Variants in CUL4B observed in about 807,000 individuals in gnomAD.
CUL4B encodes the protein cullin-4B.
Under a neutral mutation model 69.2 loss-of-function variants are expected in CUL4B, and 1 was observed. The ratio of observed to expected loss-of-function variants is 0.01; its 90% CI spans 0.01 to 0.07. CUL4B has a LOEUF of 0.07. Ranked by LOEUF, CUL4B falls within the 10% of genes least tolerant of loss-of-function variation. The pLI, the probability that CUL4B is intolerant of heterozygous loss-of-function variation, is 1.00. For missense variants in CUL4B, 328 were observed against 638.8 expected, an observed-to-expected ratio of 0.51 and a Z score of 5.24; for synonymous variants, 237 against 223.2, an observed-to-expected ratio of 1.06 and a Z score of -0.55.
At chrX:120,558,637 C>T (rs1211490824) in intron 1 of CUL4B, among the ~76,000 whole-genome samples, 1 of 111,788 alleles carries the variant, frequency 8.9e-6, no homozygotes, top group Non-Finnish European at 1.9e-5. Flanking sequence ...ACTACATTTA[C>T]GAGCAGAGTG....
rs1002605548 is a variant in CUL4B, at chrX:120,542,010, A to G, written c.1325-290T>C. ...TTGGGAGGCTGAGGCAGGAGGATCA[A>G]TTGAAGCCAGGAGGTCAAGACCAGC... On this transcript the variant is annotated intron_variant, in intron 9 of 19. Transcript: ENST00000371322. Among the ~76,000 whole-genome samples the G allele has an allele frequency of 4.5e-5, 5 of 111,010 alleles. No individual in the cohort carries two copies. In the East Asian group the frequency reaches 1.1e-3, roughly 25 times the overall value.
In CUL4B at chrX:120,525,369, A is replaced by AT. The variant is rs748441588; in HGVS notation, c.*1391_*1392insA. On this transcript the variant is annotated 3_prime_UTR_variant, in exon 20 of 20. Coordinates refer to ENST00000371322, the MANE Select transcript of CUL4B (RefSeq NM_001079872.2). ...TAGTTCTGATTTTTAACAAACATAA[A>AT]CAAAATTTTCTGCTTCTCCTCCCTT... The AT allele has an allele frequency of 1.8e-5, 2 of 111,720 alleles. No individual in the cohort carries two copies. The highest frequency in any genetic ancestry group is 3.8e-5 in the Non-Finnish European group (2 of 53,082). 9.2% of individuals were successfully genotyped at this position (111,720 alleles called of 1,213,427 possible).
intron 19 of CUL4B, among the ~76,000 whole-genome samples, chrX:120,527,942 G>A (rs771325534): frequency 2.7e-5 from 3 of 112,181 alleles, no homozygotes; most frequent in Admixed American, 1.9e-4. Flanking sequence ...TACCCTTCGC[G>A]TGGTTAAATA....
intron 2 of CUL4B, among the ~76,000 whole-genome samples, chrX:120,555,682 C>T (rs1344774010): frequency 9.0e-6 from 1 of 110,639 alleles, no homozygotes; most frequent in Non-Finnish European, 1.9e-5. Flanking sequence ...TGGCTCACAC[C>T]TGTAATCCCA....
chrX:120,544,251 A>G, intron 6 of CUL4B, 48 bp from the exon 7 acceptor site: 1 of 921,507 alleles, frequency 1.1e-6, no homozygotes, highest in Non-Finnish European at 1.6e-6. Context: ...GCAAATATTT[A>G]CTAAATGTCC....
At chrX:120,572,454 C>G (rs1262264380) in intron 2 of CUL4B, among the ~76,000 whole-genome samples, 1 of 39,460 alleles carries the variant, frequency 2.5e-5, no homozygotes, top group Admixed American at 4.3e-4. Flanking sequence ...GCAACAAGAG[C>G]AAAACTCCTC....
intron 16 of CUL4B, 123 bp from the exon 17 acceptor site, chrX:120,534,709 C>A (rs1165808223): frequency 1.9e-6 from 1 of 521,583 alleles, no homozygotes; most frequent in Non-Finnish European, 3.4e-6. Flanking sequence ...CATTATCCAG[C>A]AAAGCCACTT....
chrX:120,546,738 G>C (rs1357371842), intron 3 of CUL4B, 122 bp from the exon 4 acceptor site: 10 of 478,815 alleles, frequency 2.1e-5, no homozygotes, highest in Non-Finnish European at 3.2e-5. Flanking sequence ...AATGGCACTT[G>C]ATTATGCACC....
intron 2 of CUL4B, among the ~76,000 whole-genome samples, chrX:120,572,158 T>C (rs942656595): frequency 1.8e-5 from 2 of 109,020 alleles, no homozygotes; most frequent in Non-Finnish European, 3.8e-5. Flanking sequence ...TAACCAGAGG[T>C]ACAGTTAGAA....
At chrX:120,556,168 C>T (rs1043612041) in intron 2 of CUL4B, among the ~76,000 whole-genome samples, 11 of 110,914 alleles carry the variant, frequency 9.9e-5, no homozygotes, top group Admixed American at 1.9e-4. Context: ...ATATATAATA[C>T]GCCAAAAGAG....
At chrX:120,546,507 T>C in intron 4 of CUL4B, 40 bp downstream of exon 4, 1 of 1,069,988 alleles carries the variant, frequency 9.3e-7, no homozygotes, top group Non-Finnish European at 1.3e-6. Flanking sequence ...TAACTATTAA[T>C]ACAATGTTTA....
rs1329561871 is a variant in CUL4B, at chrX:120,532,527, A to C, written c.2334T>G (p.Asn778Lys). 7.4e-6 allele frequency: 9 copies of C among 1,208,827 alleles called. No homozygotes were observed. The highest frequency in any genetic ancestry group is 1.0e-5 in the Non-Finnish European group (9 of 893,645). Residue 778 changes from asparagine (N) to lysine (K), a missense_variant, in exon 18 of 20, where the codon AAT (asparagine) becomes AAG (lysine). By Grantham distance (94) the Asn-to-Lys change is moderately conservative (BLOSUM62 0). This residue lies in a region of CUL4B where 98 missense variants were observed against 296.8 expected (regional missense o/e 0.33). Coordinates refer to ENST00000371322, the MANE Select transcript of CUL4B (RefSeq NM_001079872.2). ...CATCTTCAATGTCTTTGCCCTTTGG[A>C]TTTTTCGCCAGAACTCTAGCTTTGC... ...ACGKARVLAK[N>K]PKGKDIEDGD...
Position 120,524,998 on chromosome X carries a change from T to C in CUL4B, c.*1763A>G, listed in dbSNP as rs888633284. 10 of 111,959 alleles carry C rather than the reference T, an allele frequency of 8.9e-5. No individual in the cohort carries two copies. In the Admixed American group the frequency reaches 9.6e-4, roughly 11 times the overall value. 9.2% of individuals were successfully genotyped at this position (111,959 alleles called of 1,213,427 possible). A position where few individuals can be genotyped will look rare whatever the true frequency, so the allele number is the denominator to read the frequency against. On this transcript the variant is annotated 3_prime_UTR_variant, in exon 20 of 20. Transcript: ENST00000371322. Reference sequence around the variant, plus strand: ...GGATGAGTTAGAACACTGTTGTTGATGGTCCGGTATGAAGAGAGGGTAAAC... The same window carrying C: ...GGATGAGTTAGAACACTGTTGTTGACGGTCCGGTATGAAGAGAGGGTAAAC...
chrX:120,528,726 A>G (rs1277585052), intron 19 of CUL4B, among the ~76,000 whole-genome samples: 1 of 111,678 alleles, frequency 9.0e-6, no homozygotes, highest in Non-Finnish European at 1.9e-5. Context: ...ATCTCAAAAA[A>G]AAACTACATG....
At position 120,526,658 on chromosome X, in the gene CUL4B, T is replaced by G; in HGVS notation, c.*103A>C. On this transcript the variant is annotated 3_prime_UTR_variant, in exon 20 of 20. Transcript: ENST00000371322. Reference sequence around the variant, plus strand: ...TATTTCCATTAATTACACTGCTTCATTTGGTCATCGGTAGTAAAAAAGGAG... The same window carrying G: ...TATTTCCATTAATTACACTGCTTCAGTTGGTCATCGGTAGTAAAAAAGGAG... 3.8e-6 allele frequency: 2 copies of G among 529,511 alleles called. No individual in the cohort carries two copies. Among genetic ancestry groups the G allele is most frequent in the Non-Finnish European group, 6.7e-6 (2 of 300,718 alleles). The allele number at this position is 529,511 out of a possible 1,213,427, so 43.6% of individuals were successfully genotyped here. A position where few individuals can be genotyped will look rare whatever the true frequency, so the allele number is the denominator to read the frequency against.
upstream of CUL4B, among the ~76,000 whole-genome samples, chrX:120,562,570 G>A (rs753795805): frequency 8.0e-5 from 9 of 111,929 alleles, no homozygotes; most frequent in East Asian, 2.5e-3. Flanking sequence ...ACAAAGTGCT[G>A]TCAGAAGAGG....
At chrX:120,532,886 C>T (rs1923409651) in intron 17 of CUL4B, among the ~76,000 whole-genome samples, 1 of 111,855 alleles carries the variant, frequency 8.9e-6, no homozygotes, top group African/African-American at 3.2e-5. Context: ...TGTGAGCCAC[C>T]ACGCCCGGCC....
chrX:120,560,993 C>T, upstream of CUL4B: 1 of 961,917 alleles, frequency 1.0e-6, no homozygotes, highest in South Asian at 3.1e-5. Context: ...CCTTTTCTCC[C>T]TCTCCCTGGG....
At position 120,546,275 on chromosome X, in the gene CUL4B, A is replaced by G. The variant is rs1295504372; in HGVS notation, c.846+272T>C. The stretch of plus-strand genomic sequence containing the variant: ...AGGGATAAAAGACTACAATGGTGCA[A>G]TGTATACTGCTCTGGTGAAGGGTGC... On this transcript the variant is annotated intron_variant, in intron 4 of 19. Coordinates refer to ENST00000371322, the MANE Select transcript of CUL4B (RefSeq NM_001079872.2). Among the ~76,000 whole-genome samples, 4 of 110,623 alleles carry G rather than the reference A, an allele frequency of 3.6e-5. No homozygotes were observed. In the East Asian group the frequency reaches 8.5e-4, roughly 23 times the overall value.
Sources: gnomAD v4.1 joint callset for allele counts (sites outside exome capture counted in the v4.1 genomes callset) on GRCh38, gnomAD v4.1.1 for gene constraint, gnomAD v4.1.1 regional missense constraint, MANE v1.5 for transcripts, NCBI Gene and HGNC (gene_info 2026-07-23, HGNC 2026-07-21) for gene names.